Variants in SLC39A11 observed in about 807,000 individuals in gnomAD.
SLC39A11 encodes the protein solute carrier family 39 member 11.
A neutral mutation model predicts 36.1 loss-of-function variants in SLC39A11; 33 were observed. That is an observed-to-expected ratio of 0.91 (90% CI 0.69 to 1.22). The LOEUF (loss-of-function observed/expected upper bound fraction) is 1.22, where lower values mean the gene tolerates loss of function less well. SLC39A11 is among the 50% of genes most tolerant of loss of function. SLC39A11 has a pLI of 0.00. For synonymous variants in SLC39A11, 166 were observed against 170.3 expected, an observed-to-expected ratio of 0.97 and a Z score of 0.20; for missense variants, 432 against 430.3, an observed-to-expected ratio of 1.00 and a Z score of -0.03.
Position 72,773,679 on chromosome 17 carries a change from C to CACACACACACACACACACA in SLC39A11, c.602-36961_602-36960insTGTGTGTGTGTGTGTGTGT, listed in dbSNP as rs57105900. ...CACACACACACACACACACACACACCCAGTATATAAAGGATATCAGTGTCA... is the reference window on the plus strand; with the variant it reads ...CACACACACACACACACACACACACCACACACACACACACACACACAGTATATAAAGGATATCAGTGTCA... On this transcript the variant is annotated intron_variant, in intron 6 of 9. Coordinates refer to ENST00000255559, the MANE Select transcript of SLC39A11 (RefSeq NM_139177.4). Among the ~76,000 whole-genome samples, 198 of 145,828 alleles carry CACACACACACACACACACA rather than the reference C, an allele frequency of 1.4e-3. 5 individuals carry two copies. Among genetic ancestry groups the CACACACACACACACACACA allele is most frequent in the African/African-American group, 4.9e-3 (193 of 39,040 alleles).
intron 3 of SLC39A11, among the ~76,000 whole-genome samples, chr17:73,066,367 A>G (rs1280758605): frequency 2.0e-5 from 3 of 152,236 alleles, no homozygotes; most frequent in Non-Finnish European, 4.4e-5. Context: ...CCAGCAACCT[A>G]GAACCAGGGG....
rs2069578978 is a variant in SLC39A11 at position 72,646,715 on chromosome 17, T to C, written c.*869A>G. On this transcript the variant is annotated 3_prime_UTR_variant, in exon 10 of 10. Transcript: ENST00000255559. ...TTGAGTAATTGAAGAGTTTGAGTTC[T>C]AGCAGTTTGCTGGTGTCTCCAAGTC... is the stretch of plus-strand genomic sequence containing the variant. 6.6e-6 allele frequency: 1 copy of C among 152,646 alleles called. No individual in the cohort carries two copies. Among genetic ancestry groups the C allele is most frequent in the Non-Finnish European group, 1.5e-5 (1 of 68,034 alleles). 9.5% of individuals were successfully genotyped at this position (152,646 alleles called of 1,614,324 possible). A position where few individuals can be genotyped will look rare whatever the true frequency, so the allele number is the denominator to read the frequency against.
At chr17:72,728,629 C>T (rs1477965280) in intron 7 of SLC39A11, among the ~76,000 whole-genome samples, 1 of 152,174 alleles carries the variant, frequency 6.6e-6, no homozygotes, top group Non-Finnish European at 1.5e-5. Flanking sequence ...TGCGCGTATG[C>T]TCCAATAAAG....
intron 5 of SLC39A11, among the ~76,000 whole-genome samples, chr17:72,936,065 G>T (rs1456927168): frequency 6.6e-6 from 1 of 152,094 alleles, no homozygotes; most frequent in Non-Finnish European, 1.5e-5. Flanking sequence ...GAGTGTGGTG[G>T]TATTCGCCTG....
chr17:72,802,057 G>A (rs2077102400), intron 6 of SLC39A11, among the ~76,000 whole-genome samples: 1 of 152,192 alleles, frequency 6.6e-6, no homozygotes, highest in South Asian at 2.1e-4. Context: ...CCTACAGAAG[G>A]TTCGATGCAG....
At chr17:72,681,755 C>T (rs536978090) in intron 7 of SLC39A11, among the ~76,000 whole-genome samples, 6 of 152,270 alleles carry the variant, frequency 3.9e-5, no homozygotes, top group African/African-American at 9.6e-5. Context: ...TCCTCCACAG[C>T]GAACTCAGTG....
chr17:72,950,657 T>C (rs1047927519), intron 4 of SLC39A11, among the ~76,000 whole-genome samples: 26 of 152,172 alleles, frequency 1.7e-4, no homozygotes, highest in African/African-American at 2.2e-4. Flanking sequence ...GATGCGTAAC[T>C]GGGGGAAGGA....
intron 4 of SLC39A11, among the ~76,000 whole-genome samples, chr17:72,950,879 G>C (rs143363048): frequency 6.6e-6 from 1 of 152,192 alleles, no homozygotes; most frequent in Non-Finnish European, 1.5e-5. Flanking sequence ...CATAACTGGG[G>C]GGCTGAGCAT....
chr17:73,030,393 C>T lies in SLC39A11; in HGVS notation c.306+1163G>A, dbSNP rs148440225. Among the ~76,000 whole-genome samples, 459 of 152,292 alleles carry T rather than the reference C, an allele frequency of 3.0e-3. 4 individuals are homozygous for T. The highest frequency in any genetic ancestry group is 0.011 in the African/African-American group (438 of 41,554). ...TAGCCCAGGACCTAGAGGCATAGTT[C>T]CTGGGAATCGTTATAGTTACAGAAT... On this transcript the variant is annotated intron_variant, in intron 4 of 9. Transcript: ENST00000255559.
At chr17:72,951,560 G>A (rs151010437) in intron 4 of SLC39A11, among the ~76,000 whole-genome samples, 6 of 152,198 alleles carry the variant, frequency 3.9e-5, no homozygotes, top group Admixed American at 1.3e-4. Context: ...ATTCTCCTTC[G>A]AGAGACAGAT....
intron 3 of SLC39A11, among the ~76,000 whole-genome samples, chr17:73,044,219 T>C (rs2059197544): frequency 1.3e-5 from 2 of 151,832 alleles, no homozygotes; most frequent in South Asian, 4.1e-4. Flanking sequence ...AATGAAAACA[T>C]ACGTCCACAC....
chr17:73,015,158 G>A (rs2090740450), intron 4 of SLC39A11, among the ~76,000 whole-genome samples: 1 of 152,114 alleles, frequency 6.6e-6, no homozygotes, highest in Admixed American at 6.6e-5. Flanking sequence ...GTATTGCCCT[G>A]TACTGTTTTT....
At chr17:72,940,960 A>G (rs1459439347) in intron 5 of SLC39A11, among the ~76,000 whole-genome samples, 1 of 152,238 alleles carries the variant, frequency 6.6e-6, no homozygotes, top group Non-Finnish European at 1.5e-5. Flanking sequence ...GCCCTAATCC[A>G]ATATGACTGG....
At chr17:72,848,368 T>C (rs1178109566) in intron 6 of SLC39A11, among the ~76,000 whole-genome samples, 1 of 152,220 alleles carries the variant, frequency 6.6e-6, no homozygotes, top group African/African-American at 2.4e-5. Context: ...AAAAGAAACA[T>C]TCATTGTTTT....
rs556793121 is a variant in SLC39A11 at position 72,816,803 on chromosome 17, T to C, written c.601+32831A>G. ...AATAATCATTTCCTGGTATTGGAGATTGGATTTCATACACCATAGCCCAGG... is the reference window on the plus strand; with the variant it reads ...AATAATCATTTCCTGGTATTGGAGACTGGATTTCATACACCATAGCCCAGG... On this transcript the variant is annotated intron_variant, in intron 6 of 9. Coordinates refer to ENST00000255559, the MANE Select transcript of SLC39A11 (RefSeq NM_139177.4). Among the ~76,000 whole-genome samples, 7 of 152,302 alleles carry C rather than the reference T, an allele frequency of 4.6e-5. No homozygotes were observed. The East Asian group carries it at 9.6e-4, about 21-fold the overall frequency.
chr17:73,035,182 C>T (rs1277271063), intron 3 of SLC39A11, among the ~76,000 whole-genome samples: 1 of 152,200 alleles, frequency 6.6e-6, no homozygotes, highest in African/African-American at 2.4e-5. Context: ...CTCGTTCTGT[C>T]ACCCAGGCTG....
At chr17:72,740,815 C>T (rs1195678390) in intron 6 of SLC39A11, among the ~76,000 whole-genome samples, 1 of 152,060 alleles carries the variant, frequency 6.6e-6, no homozygotes. Context: ...GCTATTGTTG[C>T]TCAGGCTGGA....
At chr17:72,756,284 C>T (rs1014000892) in intron 6 of SLC39A11, among the ~76,000 whole-genome samples, 2 of 152,234 alleles carry the variant, frequency 1.3e-5, no homozygotes, top group South Asian at 4.1e-4. Context: ...CTTCTGGATA[C>T]ATCCGTCAAA....
Position 72,765,298 on chromosome 17 carries a change from C to T in SLC39A11, c.602-28579G>A, listed in dbSNP as rs188094207. On this transcript the variant is annotated intron_variant, in intron 6 of 9. Coordinates refer to ENST00000255559, the MANE Select transcript of SLC39A11 (RefSeq NM_139177.4). Reference sequence around the variant, plus strand: ...TGAAGCTCCCACCTAGCAGCAGACTCAGCATGCAAGGACCATTTTCCACAC... The same window carrying T: ...TGAAGCTCCCACCTAGCAGCAGACTTAGCATGCAAGGACCATTTTCCACAC... Among the ~76,000 whole-genome samples, 800 of 152,292 alleles carry T rather than the reference C, an allele frequency of 5.3e-3. 9 individuals are homozygous for T. Among genetic ancestry groups the T allele is most frequent in the Non-Finnish European group, 6.6e-3 (449 of 68,026 alleles).
Sources: gnomAD v4.1 joint callset for allele counts (sites outside exome capture counted in the v4.1 genomes callset) on GRCh38, gnomAD v4.1.1 for gene constraint, MANE v1.5 for transcripts, NCBI Gene and HGNC (gene_info 2026-07-23, HGNC 2026-07-21) for gene names.